ASL: variants seen among roughly 807,000 people sequenced by gnomAD.
The protein encoded by ASL is argininosuccinase.
A neutral mutation model predicts 69.1 loss-of-function variants in ASL; 51 were observed. The ratio of observed to expected loss-of-function variants is 0.74; its 90% confidence interval spans 0.59 to 0.93. The LOEUF is 0.93. Among genes scored for constraint, ASL ranks in the 40% least tolerant of loss-of-function variants. The probability of loss-of-function intolerance (pLI) is 0.00; values close to 1 mark genes in which losing one functional copy is unlikely to be tolerated. For missense variants in ASL, 540 were observed against 623.9 expected, an observed-to-expected ratio of 0.87 and a Z score of 1.43; for synonymous variants, 241 against 247.6, an observed-to-expected ratio of 0.97 and a Z score of 0.25.
At chr7:66,091,984 A>T in intron 14 of ASL, 22 bp from the exon 15 acceptor site, 1 of 1,612,502 alleles carries the variant, frequency 6.2e-7, no homozygotes, top group Non-Finnish European at 8.5e-7. Flanking sequence ...AGGGCTCACC[A>T]CTCGCCCACC....
rs748674685 is a variant in ASL, at chr7:66,082,466, G to T, written c.291+15G>T. The T allele has an allele frequency of 6.2e-7, 1 of 1,605,372 alleles. No individual in the cohort carries two copies. The highest frequency in any genetic ancestry group is 1.1e-5 in the South Asian group (1 of 89,148). On this transcript the variant is annotated intron_variant, in intron 4 of 16. Coordinates refer to ENST00000304874, the MANE Select transcript of ASL (RefSeq NM_000048.4). The stretch of plus-strand genomic sequence containing the variant: ...GCCGCCTGAAGGTACGACCCCTGGA[G>T]CCCCACCGCTTTCCTTGCCTCCCCT...
chr7:66,090,336 C>T (rs982869702), intron 14 of ASL, among the ~76,000 whole-genome samples: 1 of 152,132 alleles, frequency 6.6e-6, no homozygotes, highest in Non-Finnish European at 1.5e-5. Context: ...TGCAGTGGTG[C>T]GGTCGTAGCT....
Position 66,081,964 on chromosome 7 carries a change from C to T in ASL, c.174C>T (p.Ala58=), listed in dbSNP as rs376104424. The T allele has an allele frequency of 3.5e-5, 57 of 1,612,418 alleles. No individual in the cohort carries two copies. The highest frequency in any genetic ancestry group is 1.3e-4 in the Admixed American group (8 of 59,682). ...AGAAGGCAGGGCTCCTCACCAAGGC[C>T]GAGATGGACCAGATACTCCATGGCC... The part of the protein sequence containing the change: ...GLEKAGLLTK[A]EMDQILHGLD... Residue 58 remains alanine (A), a synonymous_variant, in exon 3 of 17, where the codon GCC becomes GCT. Transcript: ENST00000304874.
At chr7:66,082,765 C>T (rs2067815357) in intron 4 of ASL, 115 bp from the exon 5 acceptor site, 1 of 1,280,884 alleles carries the variant, frequency 7.8e-7, no homozygotes, top group African/African-American at 1.5e-5. Context: ...TTGGGGAGGA[C>T]CCGGAGCCCT....
intron 3 of ASL, 22 bp from the exon 4 acceptor site, chr7:66,082,346 G>A (rs1215756890): frequency 6.2e-7 from 1 of 1,603,552 alleles, no homozygotes; most frequent in Non-Finnish European, 8.5e-7. Context: ...CCTGACCCCG[G>A]CATTGCTGCT....
At chr7:66,085,769 C>T (rs151229551) in intron 6 of ASL, among the ~76,000 whole-genome samples, 2,285 of 152,146 alleles carry the variant, frequency 0.015, 62 homozygotes, top group East Asian at 0.092. Flanking sequence ...CCACTACGCC[C>T]GGCTAATTTT....
In ASL at chr7:66,086,790, C is replaced by A; in HGVS notation, c.571C>A (p.Arg191=). ...TRDSERLLEV[R]KRINVLPLGS... ...AGACTCTGAGCGGCTGCTGGAGGTG[C>A]GGAAGCGGATCAATGTCCTGCCCCT... The change falls in exon 8 of 17, where the codon CGG becomes AGG. Residue 191 remains arginine (R), a synonymous_variant. Coordinates refer to ENST00000304874, the MANE Select transcript of ASL (RefSeq NM_000048.4). 1 of 1,590,800 alleles carries A rather than the reference C, an allele frequency of 6.3e-7. No homozygotes were observed. Among genetic ancestry groups the A allele is most frequent in the Non-Finnish European group, 8.6e-7 (1 of 1,169,252 alleles).
intron 14 of ASL, 36 bp from the exon 15 acceptor site, chr7:66,091,970 C>G: frequency 6.2e-7 from 1 of 1,610,144 alleles, no homozygotes. Flanking sequence ...ATCCCAGGGT[C>G]CCCAGGGCTC....
intron 13 of ASL, 80 bp from the exon 14 acceptor site, chr7:66,089,532 C>T (rs1786782090): frequency 6.6e-7 from 1 of 1,521,390 alleles, no homozygotes; most frequent in African/African-American, 1.4e-5. Context: ...GTGGGGATGC[C>T]TCAGTGGGGG....
intron 9 of ASL, 79 bp downstream of exon 9, chr7:66,087,465 A>G: frequency 1.3e-6 from 2 of 1,535,944 alleles, no homozygotes; most frequent in Non-Finnish European, 1.8e-6. Context: ...CTGAAACCAG[A>G]GGGCAGGGGC....
intron 8 of ASL, 58 bp from the exon 9 acceptor site, chr7:66,087,275 TG>T: frequency 7.0e-7 from 1 of 1,434,568 alleles, no homozygotes; most frequent in Non-Finnish European, 9.7e-7. Flanking sequence ...TGTGTGTGTG[TG>T]TGTGTGTCAG....
chr7:66,092,140 G>A (rs570806927), intron 15 of ASL, 54 bp downstream of exon 15: 1 of 1,587,340 alleles, frequency 6.3e-7, no homozygotes, highest in African/African-American at 1.3e-5. Context: ...CCCCCCCAGA[G>A]GGTGGGGGAG....
intron 10 of ASL, 128 bp downstream of exon 10, chr7:66,087,919 AC>A: frequency 8.0e-7 from 1 of 1,245,822 alleles, no homozygotes; most frequent in Non-Finnish European, 1.2e-6. Context: ...TGAAGTATAA[AC>A]CTTAAATGGG....
rs183725835 is a variant in ASL at position 66,091,588 on chromosome 7, C to T, written c.1063-418C>T. ...ACAACAACAACAAATTAGCTAGGCA[C>T]GGTGGTGTGCATGGCTGTAGTCCCA... is the stretch of plus-strand genomic sequence containing the variant. On this transcript the variant is annotated intron_variant, in intron 14 of 16. Transcript: ENST00000304874. 1.0e-3 allele frequency: 230 copies of T among 227,890 alleles called. 1 individual carries two copies. Among genetic ancestry groups the T allele is most frequent in the Middle Eastern group, 1.8e-3 (1 of 558 alleles). The allele number at this position is 227,890 out of a possible 1,614,324, so 14.1% of individuals were successfully genotyped here. A position where few individuals can be genotyped will look rare whatever the true frequency, so the allele number is the denominator to read the frequency against.
At chr7:66,087,162 C>A (rs1452556268) in intron 8 of ASL, 172 bp from the exon 9 acceptor site, 6 of 753,774 alleles carry the variant, frequency 8.0e-6, no homozygotes, top group Non-Finnish European at 4.5e-6. Context: ...TATTCTGTAC[C>A]CAAGGAGACT....
At chr7:66,079,707 C>T (rs1349552917) in intron 2 of ASL, among the ~76,000 whole-genome samples, 1 of 152,114 alleles carries the variant, frequency 6.6e-6, no homozygotes, top group East Asian at 1.9e-4. Context: ...GCAACCTCCG[C>T]CTCCCGGGTT....
At chr7:66,091,063 G>A (rs898609325) in intron 14 of ASL, among the ~76,000 whole-genome samples, 6 of 140,342 alleles carry the variant, frequency 4.3e-5, no homozygotes, top group African/African-American at 1.1e-4. Flanking sequence ...ACGCCACTGC[G>A]CTCCAGCCTG....
At chr7:66,087,877 A>G (rs1411979888) in intron 10 of ASL, 86 bp downstream of exon 10, 2 of 1,530,994 alleles carry the variant, frequency 1.3e-6, no homozygotes, top group Non-Finnish European at 1.8e-6. Context: ...CCACACCTCC[A>G]CGGACAGGCT....
At chr7:66,076,123 C>T (rs369860716) in intron 2 of ASL, 30 bp downstream of exon 2, 5 of 1,584,544 alleles carry the variant, frequency 3.2e-6, no homozygotes, top group Non-Finnish European at 4.3e-6. Context: ...CTCCGGTCCT[C>T]CTAGCCTCCA....
Sources: gnomAD v4.1 joint callset for allele counts (sites outside exome capture counted in the v4.1 genomes callset) on GRCh38, gnomAD v4.1.1 for gene constraint, MANE v1.5 for transcripts, NCBI Gene and HGNC (gene_info 2026-07-23, HGNC 2026-07-21) for gene names.